Variants in NT5C3A observed in about 807,000 individuals in gnomAD.
NT5C3A encodes the protein 5'-nucleotidase, cytosolic IIIA, also known as cytosolic 5'-nucleotidase 3A.
NT5C3A carries 23 observed loss-of-function variants against 40.0 expected under a neutral mutation model. The ratio of observed to expected loss-of-function variants is 0.58; its 90% CI spans 0.41 to 0.81. The LOEUF is 0.81. Among genes scored for constraint, NT5C3A ranks in the 40% least tolerant of loss-of-function variants. NT5C3A has a pLI of 0.00. For missense variants in NT5C3A, 328 were observed against 403.0 expected, an observed-to-expected ratio of 0.81 and a Z score of 1.59; for synonymous variants, 130 against 141.4, an observed-to-expected ratio of 0.92 and a Z score of 0.57.
intron 4 of NT5C3A, 30 bp from the exon 5 acceptor site, chr7:33,021,387 A>G (rs893942935): frequency 2.1e-5 from 34 of 1,602,980 alleles, no homozygotes; most frequent in Non-Finnish European, 2.9e-5. Context: ...TTAATCATGA[A>G]GATTACTTGA....
chr7:33,042,969 G>A (rs1459433485), intron 1 of NT5C3A, among the ~76,000 whole-genome samples: 1 of 152,168 alleles, frequency 6.6e-6, no homozygotes, highest in Non-Finnish European at 1.5e-5. Flanking sequence ...ATTATGAATA[G>A]CTAAAATGTA....
rs773730853 is a variant in NT5C3A, at chr7:33,015,641, C to A, written c.894+29G>T. Reference sequence around the variant, plus strand: ...TCAAGTTTCATCCTAATATTTTCTTCGAAAAAAATTACAGATTTGTATACT... The same window carrying A: ...TCAAGTTTCATCCTAATATTTTCTTAGAAAAAAATTACAGATTTGTATACT... On this transcript the variant is annotated intron_variant, in intron 8 of 8. Transcript: ENST00000610140. 2.8e-6 allele frequency: 4 copies of A among 1,434,738 alleles called. No homozygotes were observed. In the Admixed American group the frequency reaches 6.8e-5, roughly 24 times the overall value. 88.9% of individuals were successfully genotyped at this position (1,434,738 alleles called of 1,614,324 possible). A position where few individuals can be genotyped will look rare whatever the true frequency, so the allele number is the denominator to read the frequency against.
At chr7:33,026,740 T>C in intron 2 of NT5C3A, 77 bp downstream of exon 2, 1 of 946,352 alleles carries the variant, frequency 1.1e-6, no homozygotes, top group Non-Finnish European at 1.7e-6. Context: ...GTGATCCTCC[T>C]GCTTCAGTCT....
intron 1 of NT5C3A, chr7:33,041,002 AC>A: frequency 1.0e-6 from 1 of 985,488 alleles, no homozygotes; most frequent in Non-Finnish European, 1.2e-6. Flanking sequence ...AAACCTTGTG[AC>A]GCACTGCTGC....
chr7:33,044,211 A>C (rs1787047862), intron 1 of NT5C3A, among the ~76,000 whole-genome samples: 1 of 152,038 alleles, frequency 6.6e-6, no homozygotes. Context: ...TATGGGACAC[A>C]TTTTGAACCA....
chr7:33,023,841 C>G, intron 3 of NT5C3A, 198 bp downstream of exon 3: 3 of 564,654 alleles, frequency 5.3e-6, no homozygotes, highest in Non-Finnish European at 9.4e-6. Context: ...CCTTTGCTAC[C>G]AAAACCATAC....
At chr7:33,042,576 T>G (rs1206240783) in intron 1 of NT5C3A, among the ~76,000 whole-genome samples, 2 of 152,206 alleles carry the variant, frequency 1.3e-5, no homozygotes, top group South Asian at 2.1e-4. Flanking sequence ...TAAATGTACT[T>G]TAATATTATT....
chr7:33,021,999 G>A (rs1449870768), intron 4 of NT5C3A, 54 bp downstream of exon 4: 3 of 1,022,320 alleles, frequency 2.9e-6, no homozygotes, highest in Non-Finnish European at 4.6e-6. Context: ...GAAATTCTCA[G>A]GCAAAAAGGG....
intron 2 of NT5C3A, 98 bp downstream of exon 2, chr7:33,026,719 C>G (rs756591719): frequency 6.1e-6 from 5 of 825,248 alleles, no homozygotes; most frequent in Non-Finnish European, 1.0e-5. Context: ...GTCTCGAACT[C>G]CTGGGCTCAA....
Position 33,026,441 on chromosome 7 carries a change from G to A in NT5C3A, c.237+376C>T, listed in dbSNP as rs557259128. ...ATGATCTCAACTCATTGCAAACTCC[G>A]CCTCCCGGGGTTAAGTGATTAGCCT... On this transcript the variant is annotated intron_variant, in intron 2 of 8. Transcript: ENST00000610140. Among the ~76,000 whole-genome samples the A allele has an allele frequency of 5.1e-4, 75 of 147,576 alleles. No individual in the cohort carries two copies. In the East Asian group the frequency reaches 5.4e-3, roughly 11 times the overall value.
chr7:33,041,180 C>T (rs1786895921), intron 1 of NT5C3A: 3 of 978,180 alleles, frequency 3.1e-6, no homozygotes, highest in East Asian at 1.1e-4. Context: ...AACCTCTACA[C>T]TAACACTTAA....
chr7:33,023,794 C>T (rs1329163100), intron 3 of NT5C3A: 1 of 494,330 alleles, frequency 2.0e-6, no homozygotes, highest in Non-Finnish European at 3.6e-6. Flanking sequence ...ATGAATAGAC[C>T]ATATTTGGCA....
intron 1 of NT5C3A, among the ~76,000 whole-genome samples, chr7:33,037,812 T>A (rs1347451368): frequency 6.6e-6 from 1 of 152,186 alleles, no homozygotes; most frequent in African/African-American, 2.4e-5. Flanking sequence ...TGTGTATATA[T>A]CTTTGTACAG....
chr7:33,017,310 C>T, intron 7 of NT5C3A, 129 bp downstream of exon 7: 1 of 673,676 alleles, frequency 1.5e-6, no homozygotes, highest in Non-Finnish European at 2.6e-6. Flanking sequence ...AGGATGGAGT[C>T]CCACAGTGGG....
chr7:33,052,381 GCTGAGGCAC>G (rs1787402234), intron 1 of NT5C3A, among the ~76,000 whole-genome samples: 1 of 73,638 alleles, frequency 1.4e-5, no homozygotes, highest in African/African-American at 5.1e-5. Context: ...TACTCAGGTG[GCTGAGGCAC>G]CACGAGTATC....
intron 6 of NT5C3A, among the ~76,000 whole-genome samples, chr7:33,018,694 C>T (rs536239017): frequency 3.9e-5 from 6 of 151,942 alleles, no homozygotes; most frequent in Non-Finnish European, 8.8e-5. Context: ...ACTAAAAATA[C>T]AAAAAATTAG....
intron 1 of NT5C3A, among the ~76,000 whole-genome samples, chr7:33,043,032 T>C (rs1161998061): frequency 2.0e-5 from 3 of 152,242 alleles, no homozygotes; most frequent in Admixed American, 6.5e-5. Flanking sequence ...CCTTGTCTCA[T>C]ATAATACTTA....
intron 1 of NT5C3A, among the ~76,000 whole-genome samples, chr7:33,041,975 T>C (rs1039910928): frequency 6.6e-6 from 1 of 152,226 alleles, no homozygotes; most frequent in African/African-American, 2.4e-5. Context: ...AATCAAATTT[T>C]GTGAAGTATC....
intron 1 of NT5C3A, among the ~76,000 whole-genome samples, chr7:33,053,575 G>T (rs180918932): frequency 6.6e-6 from 1 of 151,582 alleles, no homozygotes; most frequent in Admixed American, 6.6e-5. Context: ...GGGGGAAGAC[G>T]GTTTGAGCCC....
Sources: gnomAD v4.1 joint callset for allele counts (sites outside exome capture counted in the v4.1 genomes callset) on GRCh38, gnomAD v4.1.1 for gene constraint, MANE v1.5 for transcripts, NCBI Gene and HGNC (gene_info 2026-07-23, HGNC 2026-07-21) for gene names.